Variants in ADAM20 observed in about 807,000 individuals in gnomAD.
ADAM20 encodes the protein disintegrin and metalloproteinase domain-containing protein 20.
For missense variants in ADAM20, 871 were observed against 883.2 expected, an observed-to-expected ratio of 0.99 and a Z score of 0.18; for synonymous variants, 305 against 310.2, an observed-to-expected ratio of 0.98 and a Z score of 0.18.
intron 1 of ADAM20, among the ~76,000 whole-genome samples, chr14:70,528,089 A>ATAATTTT (rs1238302583): frequency 1.3e-5 from 2 of 152,228 alleles, no homozygotes; most frequent in African/African-American, 4.8e-5. Context: ...CCACATCACC[A>ATAATTTT]GTTAAACTAT....
upstream of ADAM20, among the ~76,000 whole-genome samples, chr14:70,539,840 T>C (rs564399184): frequency 6.6e-6 from 1 of 152,302 alleles, no homozygotes; most frequent in East Asian, 1.9e-4. Flanking sequence ...AACCTACCCC[T>C]GCCCTCACTA....
Position 70,524,471 on chromosome 14 carries a change from TG to T in ADAM20, c.286del (p.His96MetfsTer43). On this transcript the variant is annotated frameshift_variant, in exon 2 of 2. Coordinates refer to ENST00000256389, the MANE Select transcript of ADAM20 (RefSeq NM_003814.5). LOFTEE classifies it low-confidence loss of function (END_TRUNC). ...GAAGGGCTGATCCTGGAGCAGGGCA[TG>T]CTGCTCTGTGTAGGTGAACACAGGA... ...HLPVFTYTEQ[H>X]ALLQDQPFIQ... The T allele has an allele frequency of 6.2e-7, 1 of 1,614,042 alleles. No homozygotes were observed. Among genetic ancestry groups the T allele is most frequent in the Admixed American group, 1.7e-5 (1 of 59,972 alleles).
At chr14:70,570,215 G>A in the ADAM20 span, among the ~76,000 whole-genome samples, 2 of 151,882 alleles carry the variant, frequency 1.3e-5, no homozygotes, top group Non-Finnish European at 2.9e-5. Flanking sequence ...AACAACCTAA[G>A]GTCATATCTA....
chr14:70,559,627 C>T, the ADAM20 span, among the ~76,000 whole-genome samples: 5 of 152,174 alleles, frequency 3.3e-5, no homozygotes, highest in South Asian at 2.1e-4. Flanking sequence ...CAAGGTTGTA[C>T]CCAATATACC....
intron 1 of ADAM20, among the ~76,000 whole-genome samples, chr14:70,533,531 A>G (rs1055743500): frequency 2.0e-4 from 31 of 152,306 alleles, no homozygotes; most frequent in African/African-American, 7.2e-4. Flanking sequence ...GCTCTCACTC[A>G]TAAGTGGGAG....
rs1883557465 is a variant in ADAM20, at chr14:70,524,969, G to A, written c.-176-36C>T. ...CAGGATGGGGTGGGTGGGATAGAAA[G>A]GGAGAAAGAGAGAGAGAAAAAAGGC... On this transcript the variant is annotated intron_variant, in intron 1 of 1. Coordinates refer to ENST00000256389, the MANE Select transcript of ADAM20 (RefSeq NM_003814.5). 2.7e-6 allele frequency: 4 copies of A among 1,505,106 alleles called. No homozygotes were observed. The East Asian group carries it at 9.1e-5, about 34-fold the overall frequency. The allele number at this position is 1,505,106 out of a possible 1,614,324, so 93.2% of individuals were successfully genotyped here.
At chr14:70,556,873 G>C in the ADAM20 span, 1 of 152,172 alleles carries the variant, frequency 6.6e-6, no homozygotes, top group African/African-American at 2.4e-5. Context: ...GTGCGAGGTG[G>C]TGCCCTGAGG....
chr14:70,556,348 A>G, the ADAM20 span: 1 of 152,426 alleles, frequency 6.6e-6, no homozygotes, highest in Non-Finnish European at 1.5e-5. Context: ...GGCACCTCCT[A>G]GTGTTCACCT....
chr14:70,529,416 C>G (rs568953082), intron 1 of ADAM20, among the ~76,000 whole-genome samples: 1 of 152,256 alleles, frequency 6.6e-6, no homozygotes, highest in East Asian at 1.9e-4. Context: ...TATCACTTAA[C>G]AATGGAGACA....
rs763688691 is a variant in ADAM20 at position 70,524,153 on chromosome 14, C to A, written c.605G>T (p.Trp202Leu). 1.2e-6 allele frequency: 2 copies of A among 1,613,726 alleles called. No homozygotes were observed. The highest frequency in any genetic ancestry group is 1.7e-6 in the Non-Finnish European group (2 of 1,179,924). The change falls in exon 2 of 2, where the codon TGG (tryptophan) becomes TTG (leucine). Residue 202 changes from tryptophan to leucine, a missense_variant. Coordinates refer to ENST00000256389, the MANE Select transcript of ADAM20 (RefSeq NM_003814.5). ...CTCAACAAACCGCTGATGGGTCCACCAGCCCACAAAAGAACTTTGCTTCAG... is the reference window on the plus strand; with the variant it reads ...CTCAACAAACCGCTGATGGGTCCACAAGCCCACAAAAGAACTTTGCTTCAG... ...FTLKQSSFVG[W>L]WTHQRFVELV...
At position 70,522,717 on chromosome 14, in the gene ADAM20, TG is replaced by T. The variant is rs1883478845; in HGVS notation, c.2040del (p.Asn680LysfsTer6). The part of the protein sequence containing the change: ...GSADSGPPPK[N>X]NMEGLNVMGK... Reference sequence around the variant, plus strand: ...CCCATCACATTTAATCCTTCCATGTTGTTCTTAGGAGGTGGGCCACTATCAG... The same window carrying T: ...CCCATCACATTTAATCCTTCCATGTTTTCTTAGGAGGTGGGCCACTATCAG... On this transcript the variant is annotated frameshift_variant, in exon 2 of 2. Transcript: ENST00000256389. LOFTEE classifies it low-confidence loss of function (END_TRUNC). The T allele has an allele frequency of 6.2e-7, 1 of 1,613,880 alleles. No homozygotes were observed. Among genetic ancestry groups the T allele is most frequent in the African/African-American group, 1.3e-5 (1 of 74,898 alleles).
the ADAM20 span, among the ~76,000 whole-genome samples, chr14:70,553,202 T>G: frequency 1.4e-5 from 1 of 70,608 alleles, no homozygotes; most frequent in Admixed American, 1.7e-4. Context: ...GAGATATACC[T>G]AATGCTAGAT....
At chr14:70,525,763 A>G (rs975473408) in intron 1 of ADAM20, among the ~76,000 whole-genome samples, 11 of 152,068 alleles carry the variant, frequency 7.2e-5, no homozygotes, top group Non-Finnish European at 1.2e-4. Flanking sequence ...ACTAGTATTG[A>G]GAAACCTCCT....
the ADAM20 span, among the ~76,000 whole-genome samples, chr14:70,562,610 C>A: frequency 1.3e-5 from 2 of 152,260 alleles, no homozygotes; most frequent in East Asian, 3.9e-4. Flanking sequence ...GATCATAGGG[C>A]AGATTCCTCC....
intron 1 of ADAM20, among the ~76,000 whole-genome samples, chr14:70,534,577 T>C (rs1883790835): frequency 6.6e-6 from 1 of 152,032 alleles, no homozygotes; most frequent in African/African-American, 2.4e-5. Flanking sequence ...ACAGGACAAA[T>C]ACAGAATGAT....
chr14:70,576,849 G>A, the ADAM20 span, among the ~76,000 whole-genome samples: 5 of 152,160 alleles, frequency 3.3e-5, no homozygotes, highest in African/African-American at 1.2e-4. Flanking sequence ...ACGTTTTCCC[G>A]CTAGGGAAAG....
chr14:70,545,475 T>C, the ADAM20 span, among the ~76,000 whole-genome samples: 1 of 151,848 alleles, frequency 6.6e-6, no homozygotes, highest in Non-Finnish European at 1.5e-5. Flanking sequence ...CTACAAGAAA[T>C]GTACTTCACC....
rs750864131 is a variant in ADAM20 at position 70,524,072 on chromosome 14, G to A, written c.686C>T (p.Thr229Ile). Residue 229 changes from threonine (T) to isoleucine (I), a missense_variant, in exon 2 of 2, where the codon ACA becomes ATA. Coordinates refer to ENST00000256389, the MANE Select transcript of ADAM20 (RefSeq NM_003814.5). ...AACGTTAAATACTTCATGCTGCACT[G>A]TTGTTGCATTACTTTGAGAGAAAAG... ...RYLFSQSNAT[T>I]VQHEVFNVVN... 5 of 1,613,820 alleles carry A rather than the reference G, an allele frequency of 3.1e-6. No homozygotes were observed. The Admixed American group carries it at 8.3e-5, about 27-fold the overall frequency.
At chr14:70,532,619 A>C (rs1883737632) in intron 1 of ADAM20, among the ~76,000 whole-genome samples, 1 of 152,188 alleles carries the variant, frequency 6.6e-6, no homozygotes, top group East Asian at 1.9e-4. Context: ...AGGGTGACCA[A>C]GTGACTGCTG....
Sources: gnomAD v4.1 joint callset for allele counts (sites outside exome capture counted in the v4.1 genomes callset) on GRCh38, gnomAD v4.1.1 for gene constraint, MANE v1.5 for transcripts, NCBI Gene and HGNC (gene_info 2026-07-23, HGNC 2026-07-21) for gene names.